Variants in DHRSX observed in about 807,000 individuals in gnomAD.
DHRSX encodes polyprenol dehydrogenase.
DHRSX carries 31 observed loss-of-function variants against 34.0 expected under a neutral mutation model. The ratio of observed to expected loss-of-function variants is 0.91; its 90% CI spans 0.69 to 1.23. The LOEUF (loss-of-function observed/expected upper bound fraction) is 1.23. DHRSX is among the 50% of genes most tolerant of loss of function. The pLI is 0.00. For synonymous variants in DHRSX, 201 were observed against 183.8 expected, an observed-to-expected ratio of 1.09 and a Z score of -0.76; for missense variants, 414 against 428.1, an observed-to-expected ratio of 0.97 and a Z score of 0.29.
chrX:2,368,217 T>C (rs1378790344), intron 3 of DHRSX, among the ~76,000 whole-genome samples: 1 of 148,114 alleles, frequency 6.8e-6, no homozygotes, highest in Non-Finnish European at 1.5e-5. Context: ...AACTCCAGCC[T>C]GGGCAACAGA....
At chrX:2,492,096 AATG>A (rs1297330731) in intron 1 of DHRSX, among the ~76,000 whole-genome samples, 4 of 152,206 alleles carry the variant, frequency 2.6e-5, no homozygotes, top group African/African-American at 4.8e-5. Context: ...GGCATATTTC[AATG>A]ATGACTATAG....
At chrX:2,383,101 T>G (rs1326063445) in intron 3 of DHRSX, among the ~76,000 whole-genome samples, 1 of 150,230 alleles carries the variant, frequency 6.7e-6, no homozygotes, top group Non-Finnish European at 1.5e-5. Context: ...ACCATCACCA[T>G]CATCATTATT....
At chrX:2,421,848 T>C (rs1176116844) in intron 2 of DHRSX, among the ~76,000 whole-genome samples, 1 of 152,208 alleles carries the variant, frequency 6.6e-6, no homozygotes. Flanking sequence ...GTTTTTATCG[T>C]ATAGATGTAA....
chrX:2,265,799 T>C (rs1183692992), intron 5 of DHRSX, among the ~76,000 whole-genome samples: 17 of 112,534 alleles, frequency 1.5e-4, no homozygotes, highest in East Asian at 3.0e-4. Context: ...AGCACCGGTG[T>C]CCAGCAGACG....
intron 1 of DHRSX, among the ~76,000 whole-genome samples, chrX:2,440,295 G>T (rs183736980): frequency 1.3e-5 from 2 of 151,684 alleles, no homozygotes; most frequent in East Asian, 3.9e-4. Context: ...CAACTTCCCA[G>T]GCTCAACCAA....
intron 6 of DHRSX, among the ~76,000 whole-genome samples, chrX:2,227,529 G>A (rs1440803141): frequency 5.5e-5 from 7 of 127,010 alleles, no homozygotes; most frequent in Non-Finnish European, 1.1e-4. Flanking sequence ...AAGCAGAGAA[G>A]AAAGGAGGGA....
At chrX:2,228,402 A>G (rs1602756731) in intron 6 of DHRSX, among the ~76,000 whole-genome samples, 1 of 3,602 alleles carries the variant, frequency 2.8e-4, no homozygotes, top group Non-Finnish European at 4.0e-4. Context: ...GGAGGGAGGA[A>G]GGGAGGGAGG....
At chrX:2,229,845 G>A (rs1182742956) in intron 6 of DHRSX, among the ~76,000 whole-genome samples, 1 of 151,978 alleles carries the variant, frequency 6.6e-6, no homozygotes, top group East Asian at 1.9e-4. Flanking sequence ...GTGTACTTGA[G>A]GGATGTGTAT....
chrX:2,485,857 A>AGGAAG (rs2044907213), intron 1 of DHRSX, among the ~76,000 whole-genome samples: 1 of 74,646 alleles, frequency 1.3e-5, no homozygotes, highest in African/African-American at 5.1e-5. Flanking sequence ...AGAGAAAGAA[A>AGGAAG]GAAGGGAAGG....
chrX:2,456,179 C>T (rs1174679275), intron 1 of DHRSX, among the ~76,000 whole-genome samples: 2 of 152,122 alleles, frequency 1.3e-5, no homozygotes, highest in African/African-American at 4.8e-5. Context: ...GTAACAGGGA[C>T]AATGTGCGGG....
At chrX:2,247,096 A>C (rs1388034996) in intron 5 of DHRSX, among the ~76,000 whole-genome samples, 1 of 151,964 alleles carries the variant, frequency 6.6e-6, no homozygotes, top group East Asian at 1.9e-4. Flanking sequence ...TTACAGGCAT[A>C]CACCACCATG....
At chrX:2,462,827 A>G (rs966493535) in intron 1 of DHRSX, among the ~76,000 whole-genome samples, 1 of 151,866 alleles carries the variant, frequency 6.6e-6, no homozygotes, top group Admixed American at 6.6e-5. Flanking sequence ...AAGCTTAACT[A>G]TTACTGCATT....
intron 3 of DHRSX, among the ~76,000 whole-genome samples, chrX:2,369,926 A>T (rs2043037379): frequency 6.6e-6 from 1 of 151,818 alleles, no homozygotes; most frequent in Admixed American, 6.6e-5. Flanking sequence ...TACAGGCATG[A>T]GCCCCTGTGC....
chrX:2,314,171 GGGACGGAAGGAA>G (rs2042197254), intron 3 of DHRSX, among the ~76,000 whole-genome samples: 1 of 131,888 alleles, frequency 7.6e-6, no homozygotes, highest in Non-Finnish European at 1.6e-5. Context: ...AACAAAGGGA[GGGACGGAAGGAA>G]GGAGGGAAGG....
At chrX:2,381,416 C>A (rs746116485) in intron 3 of DHRSX, among the ~76,000 whole-genome samples, 1 of 152,086 alleles carries the variant, frequency 6.6e-6, no homozygotes, top group Admixed American at 6.6e-5. Context: ...CTTCTAGCCT[C>A]CAGAAGTGTG....
intron 1 of DHRSX, among the ~76,000 whole-genome samples, chrX:2,446,527 G>A (rs957332883): frequency 1.4e-4 from 22 of 151,762 alleles, no homozygotes; most frequent in Admixed American, 3.3e-4. Context: ...CTAACAATGC[G>A]GCCAAGAGAC....
intron 3 of DHRSX, among the ~76,000 whole-genome samples, chrX:2,396,491 C>A (rs1327496333): frequency 6.7e-6 from 1 of 149,486 alleles, no homozygotes; most frequent in East Asian, 2.0e-4. Flanking sequence ...CATTCTCCAG[C>A]CTCAGCCTCC....
At chrX:2,335,466 T>C (rs2042546916) in intron 3 of DHRSX, among the ~76,000 whole-genome samples, 1 of 151,642 alleles carries the variant, frequency 6.6e-6, no homozygotes, top group Non-Finnish European at 1.5e-5. Flanking sequence ...TGTGTGTGTG[T>C]GTTTAGACAG....
chrX:2,490,532 A>T, intron 1 of DHRSX: 1 of 1,613,970 alleles, frequency 6.2e-7, no homozygotes, highest in Non-Finnish European at 8.5e-7. Context: ...GTGGTAGGAC[A>T]GGTTGGAGGT....
Sources: gnomAD v4.1 joint callset for allele counts (sites outside exome capture counted in the v4.1 genomes callset) on GRCh38, gnomAD v4.1.1 for gene constraint, MANE v1.5 for transcripts, NCBI Gene and HGNC (gene_info 2026-07-23, HGNC 2026-07-21) for gene names.